Variants in ALDH5A1 observed in about 807,000 individuals in gnomAD.
ALDH5A1 encodes the protein aldehyde dehydrogenase 5 family member A1, also known as succinate-semialdehyde dehydrogenase, mitochondrial.
In ALDH5A1, 33 loss-of-function variants were observed where a neutral mutation model predicts 54.7. That is an observed-to-expected ratio of 0.60 (90% CI 0.46 to 0.81). The LOEUF (loss-of-function observed/expected upper bound fraction) is 0.81, where lower values mean the gene tolerates loss of function less well. Ranked by LOEUF, ALDH5A1 falls within the 30% of genes least tolerant of loss-of-function variation. ALDH5A1 has a pLI of 0.00. For missense variants in ALDH5A1, 657 were observed against 711.0 expected, an observed-to-expected ratio of 0.92 and a Z score of 0.86; for synonymous variants, 294 against 292.7, an observed-to-expected ratio of 1.00 and a Z score of -0.05.
At chr6:24,525,241 TTATAA>T (rs1026781713) in intron 7 of ALDH5A1, among the ~76,000 whole-genome samples, 1 of 152,190 alleles carries the variant, frequency 6.6e-6, no homozygotes, top group Non-Finnish European at 1.5e-5. Context: ...AGAATTATTT[TTATAA>T]TATAAAATTC....
intron 4 of ALDH5A1, among the ~76,000 whole-genome samples, chr6:24,513,427 T>C (rs1328885946): frequency 6.6e-6 from 1 of 152,212 alleles, no homozygotes; most frequent in Non-Finnish European, 1.5e-5. Flanking sequence ...ATTTTATTTT[T>C]ATGTGAAGTT....
chr6:24,496,490 G>A (rs1282513566), intron 1 of ALDH5A1, among the ~76,000 whole-genome samples: 2 of 152,202 alleles, frequency 1.3e-5, no homozygotes, highest in East Asian at 3.9e-4. Flanking sequence ...TGGGTGGCCT[G>A]AACAACAGAC....
intron 4 of ALDH5A1, among the ~76,000 whole-genome samples, chr6:24,506,243 C>CTTTTTTTTTTT (rs70974913): frequency 0.022 from 1,122 of 52,166 alleles, 313 homozygotes; most frequent in Middle Eastern, 0.077. Context: ...TTCCTGGTTC[C>CTTTTTTTTTTT]TTTTTTTTTT....
intron 1 of ALDH5A1, among the ~76,000 whole-genome samples, chr6:24,497,247 G>C (rs568147863): frequency 6.6e-6 from 1 of 152,152 alleles, no homozygotes; most frequent in Non-Finnish European, 1.5e-5. Context: ...CCAGTGTTCC[G>C]TTTCTGTCCC....
chr6:24,526,826 AAT>A (rs1183234216), intron 7 of ALDH5A1, among the ~76,000 whole-genome samples: 2 of 127,758 alleles, frequency 1.6e-5, no homozygotes, highest in Admixed American at 7.6e-5. Context: ...ATGAAAAGGG[AAT>A]ATATATATAT....
intron 4 of ALDH5A1, among the ~76,000 whole-genome samples, chr6:24,511,001 T>A (rs1759447504): frequency 6.6e-6 from 1 of 152,246 alleles, no homozygotes; most frequent in Admixed American, 6.5e-5. Context: ...TTATCAGTTC[T>A]TGTAGTGTTG....
At chr6:24,522,066 G>A (rs984600251) in intron 6 of ALDH5A1, among the ~76,000 whole-genome samples, 1 of 151,858 alleles carries the variant, frequency 6.6e-6, no homozygotes, top group African/African-American at 2.4e-5. Context: ...GGCTAGTCTC[G>A]AACTCCTGAC....
intron 4 of ALDH5A1, among the ~76,000 whole-genome samples, chr6:24,505,232 A>G (rs1168120374): frequency 6.6e-6 from 1 of 152,218 alleles, no homozygotes. Flanking sequence ...GTATCTATCC[A>G]TCATCTTCAT....
chr6:24,531,365 T>G (rs1034411748), intron 8 of ALDH5A1, among the ~76,000 whole-genome samples: 1 of 152,242 alleles, frequency 6.6e-6, no homozygotes, highest in Non-Finnish European at 1.5e-5. Flanking sequence ...GGCTTTGCAG[T>G]TGACTATGAT....
chr6:24,513,854 G>C (rs945749991), intron 4 of ALDH5A1, among the ~76,000 whole-genome samples: 1 of 152,188 alleles, frequency 6.6e-6, no homozygotes, highest in Non-Finnish European at 1.5e-5. Context: ...ATGACGGTCA[G>C]GTCTTGTCAA....
intron 7 of ALDH5A1, among the ~76,000 whole-genome samples, chr6:24,523,579 G>A (rs1390281890): frequency 6.6e-6 from 1 of 152,172 alleles, no homozygotes; most frequent in Admixed American, 6.5e-5. Flanking sequence ...TTATAGTGAT[G>A]ATAATTCTAT....
At chr6:24,526,801 T>A (rs1426844662) in intron 7 of ALDH5A1, among the ~76,000 whole-genome samples, 2 of 140,570 alleles carry the variant, frequency 1.4e-5, no homozygotes, top group Non-Finnish European at 3.0e-5. Context: ...TTTCACTGCT[T>A]ACCAAGTAGG....
intron 1 of ALDH5A1, among the ~76,000 whole-genome samples, chr6:24,500,897 T>A (rs111572326): frequency 8.7e-5 from 10 of 115,218 alleles, no homozygotes; most frequent in Admixed American, 1.6e-4. Context: ...ACAAAAAAAA[T>A]TTTTTTTTAA....
intron 1 of ALDH5A1, among the ~76,000 whole-genome samples, chr6:24,501,600 CAGT>C (rs3831710): frequency 0.33 from 49,855 of 151,796 alleles, 8,524 homozygotes; most frequent in African/African-American, 0.39. Context: ...CCCAGCTACT[CAGT>C]AGTAGGCTGA....
chr6:24,495,137 C>G lies in ALDH5A1; in HGVS notation c.141C>G (p.Tyr47Ter). The G allele has an allele frequency of 7.1e-7, 1 of 1,410,908 alleles. No homozygotes were observed. The allele number at this position is 1,410,908 out of a possible 1,614,324, so 87.4% of individuals were successfully genotyped here. ...PAPGPAQLRC[Y>*]AGRLAGLSAA... ...CCGGCCCGGCCCAGCTCCGCTGCTA[C>G]GCTGGGCGCCTGGCGGGCCTCTCTG... is the stretch of plus-strand genomic sequence containing the variant. The change falls in exon 1 of 10, where the codon TAC becomes TAG. Residue 47 changes from tyrosine to a stop codon, truncating the protein, a stop_gained. Transcript: ENST00000357578. LOFTEE classifies it high-confidence loss of function.
At chr6:24,506,636 C>T (rs2817223) in intron 4 of ALDH5A1, among the ~76,000 whole-genome samples, 39,683 of 151,958 alleles carry the variant, frequency 0.26, 5,412 homozygotes, top group Non-Finnish European at 0.28. Flanking sequence ...TTCTGAATAT[C>T]AATTTTATTT....
intron 7 of ALDH5A1, among the ~76,000 whole-genome samples, chr6:24,525,619 A>C (rs1639644182): frequency 6.6e-6 from 1 of 152,072 alleles, no homozygotes; most frequent in Non-Finnish European, 1.5e-5. Context: ...GGGGCAAGAG[A>C]ATCTCTTGAA....
chr6:24,523,568 G>T (rs1759745176), intron 7 of ALDH5A1, among the ~76,000 whole-genome samples: 1 of 152,174 alleles, frequency 6.6e-6, no homozygotes, highest in Admixed American at 6.5e-5. Flanking sequence ...CCTAAATTTT[G>T]TTATAGTGAT....
In ALDH5A1 at chr6:24,534,089, G is replaced by C. The variant is rs1759992718; in HGVS notation, c.*377G>C. 1 of 270,310 alleles carries C rather than the reference G, an allele frequency of 3.7e-6. No individual in the cohort carries two copies. The highest frequency in any genetic ancestry group is 7.2e-6 in the Non-Finnish European group (1 of 139,124). 16.7% of individuals were successfully genotyped at this position (270,310 alleles called of 1,614,324 possible). A position where few individuals can be genotyped will look rare whatever the true frequency, so the allele number is the denominator to read the frequency against. On this transcript the variant is annotated 3_prime_UTR_variant, in exon 10 of 10. Coordinates refer to ENST00000357578, the MANE Select transcript of ALDH5A1 (RefSeq NM_001080.3). ...CACAACCATCCCCCATGTCGCTACA[G>C]AACATGGGCCCAGAGCACCTTGAAG...
Sources: gnomAD v4.1 joint callset for allele counts (sites outside exome capture counted in the v4.1 genomes callset) on GRCh38, gnomAD v4.1.1 for gene constraint, MANE v1.5 for transcripts, NCBI Gene and HGNC (gene_info 2026-07-23, HGNC 2026-07-21) for gene names.